Variants in PAK1 observed in about 807,000 individuals in gnomAD.
PAK1 encodes serine/threonine-protein kinase PAK 1.
Under a neutral mutation model 67.4 loss-of-function variants are expected in PAK1, and 29 were observed. The ratio of observed to expected loss-of-function variants is 0.43; its 90% CI spans 0.32 to 0.59. PAK1 has a LOEUF of 0.59. PAK1 is among the 20% of genes least tolerant of loss of function. The probability of loss-of-function intolerance (pLI) is 0.07; values close to 1 mark genes in which losing one functional copy is unlikely to be tolerated. For synonymous variants in PAK1, 223 were observed against 237.4 expected (o/e 0.94, Z 0.56); for missense variants, 337 against 670.7 (o/e 0.50, Z 5.50).
the PAK1 span, among the ~76,000 whole-genome samples, chr11:77,490,845 T>C: frequency 1.3e-5 from 2 of 152,336 alleles, 1 homozygote; most frequent in South Asian, 4.1e-4. Flanking sequence ...CCCTGTGCCC[T>C]CTGAAACATG....
the PAK1 span, among the ~76,000 whole-genome samples, chr11:77,524,382 T>C: frequency 1.3e-5 from 2 of 152,194 alleles, no homozygotes; most frequent in Non-Finnish European, 2.9e-5. Context: ...GGTAGTTTCA[T>C]CCATTCAACT....
At chr11:77,370,667 AAC>A (rs1948308209) in intron 5 of PAK1, among the ~76,000 whole-genome samples, 1 of 152,156 alleles carries the variant, frequency 6.6e-6, no homozygotes, top group Admixed American at 6.5e-5. Flanking sequence ...AATTCCTCAC[AAC>A]AGTTGATTTA....
the PAK1 span, among the ~76,000 whole-genome samples, chr11:77,515,728 T>TC: frequency 2.6e-5 from 4 of 152,288 alleles, no homozygotes; most frequent in East Asian, 7.7e-4. Flanking sequence ...ATAAATAACA[T>TC]CCTTTTTTTA....
chr11:77,493,688 A>G, the PAK1 span, among the ~76,000 whole-genome samples: 1 of 151,858 alleles, frequency 6.6e-6, no homozygotes, highest in African/African-American at 2.4e-5. Context: ...CTGAACCGAG[A>G]GTGCGTCAGT....
At chr11:77,464,269 A>G (rs972834140) in intron 1 of PAK1, among the ~76,000 whole-genome samples, 3 of 152,134 alleles carry the variant, frequency 2.0e-5, no homozygotes, top group Admixed American at 6.5e-5. Flanking sequence ...TTTCCCCCTC[A>G]GTGTTCTGCA....
intron 14 of PAK1, 74 bp from the exon 15 acceptor site, chr11:77,323,434 A>G: frequency 2.0e-6 from 2 of 1,008,106 alleles, no homozygotes; most frequent in Non-Finnish European, 3.1e-6. Flanking sequence ...CAAGACATAA[A>G]GGCATCTTTG....
chr11:77,431,444 T>TC (rs1176081683), intron 1 of PAK1, among the ~76,000 whole-genome samples: 1 of 152,086 alleles, frequency 6.6e-6, no homozygotes, highest in African/African-American at 2.4e-5. Context: ...TATAGCTGAG[T>TC]CCTGAAAAAC....
intron 2 of PAK1, among the ~76,000 whole-genome samples, chr11:77,385,177 A>G (rs189699056): frequency 1.5e-4 from 23 of 152,326 alleles, no homozygotes; most frequent in African/African-American, 5.5e-4. Flanking sequence ...CCTCCTCACC[A>G]CTTCTATTCA....
chr11:77,452,625 A>G (rs530836537), intron 1 of PAK1, among the ~76,000 whole-genome samples: 1 of 152,364 alleles, frequency 6.6e-6, no homozygotes, highest in Admixed American at 6.5e-5. Flanking sequence ...TCTAAAAGAA[A>G]AAAAAAGACT....
At chr11:77,506,466 G>C in the PAK1 span, among the ~76,000 whole-genome samples, 2 of 152,174 alleles carry the variant, frequency 1.3e-5, no homozygotes, top group Admixed American at 6.5e-5. Context: ...ACAAGGTAAG[G>C]AATTTAGATT....
chr11:77,427,591 C>T (rs1166953203), intron 1 of PAK1, among the ~76,000 whole-genome samples: 3 of 152,096 alleles, frequency 2.0e-5, no homozygotes, highest in African/African-American at 7.2e-5. Flanking sequence ...GGTAACTTCA[C>T]CATCCAAAAT....
Position 77,379,245 on chromosome 11 carries a change from A to G in PAK1, c.435T>C (p.Phe145=), listed in dbSNP as rs191105520. The G allele has an allele frequency of 3.7e-5, 60 of 1,611,862 alleles. 1 individual carries two copies. The Admixed American group carries it at 7.5e-4, about 20-fold the overall frequency. The change falls in exon 4 of 15, where the codon TTT becomes TTC. Residue 145 remains phenylalanine (F), a synonymous_variant. Transcript: ENST00000356341. ...KTSNSQKYMS[F]TDKSAEDYNS... ...CCCTGGACGCAGTTCTCATACCTGT[A>G]AAGCTCATGTATTTCTGGCTGTTGG...
At chr11:77,492,558 T>C in the PAK1 span, among the ~76,000 whole-genome samples, 1 of 150,934 alleles carries the variant, frequency 6.6e-6, no homozygotes, top group South Asian at 2.1e-4. Context: ...TTTTTTTTTT[T>C]TTTTTAAAGA....
intron 14 of PAK1, among the ~76,000 whole-genome samples, chr11:77,323,668 C>A (rs1938928562): frequency 6.6e-6 from 1 of 151,972 alleles, no homozygotes; most frequent in Admixed American, 6.5e-5. Context: ...CTTATAATAG[C>A]CAATAACCAG....
rs1156247607 is a variant in PAK1 at position 77,442,845 on chromosome 11, G to A, written c.-22+30707C>T. On this transcript the variant is annotated intron_variant, in intron 1 of 14. Coordinates refer to ENST00000356341, the MANE Select transcript of PAK1 (RefSeq NM_002576.5). The stretch of plus-strand genomic sequence containing the variant: ...GCCGAAATGAAACCCAAAGCCTCAA[G>A]GCTTGGGGCTTCTCCTTAAACAACA... Among the ~76,000 whole-genome samples the A allele has an allele frequency of 3.3e-5, 5 of 152,086 alleles. 1 individual carries two copies. The highest frequency in any genetic ancestry group is 2.0e-4 in the Admixed American group (3 of 15,264).
chr11:77,435,654 T>C (rs1370712808), intron 1 of PAK1, among the ~76,000 whole-genome samples: 1 of 125,088 alleles, frequency 8.0e-6, no homozygotes, highest in Non-Finnish European at 1.7e-5. Context: ...CCACTACACC[T>C]GGCTTTTTTT....
chr11:77,429,056 TAAAAAAAAAAAAAAAAAAAAAAAAAAA>T (rs566874549), intron 1 of PAK1, among the ~76,000 whole-genome samples: 1 of 49,000 alleles, frequency 2.0e-5, no homozygotes, highest in Non-Finnish European at 3.2e-5. Context: ...CATTTAATAC[TAAAAAAAAAAAAAAAAAAAAAAAAAAA>T]AAAAAAAAAA....
At chr11:77,402,609 G>A (rs988418140) in intron 1 of PAK1, among the ~76,000 whole-genome samples, 3 of 151,960 alleles carry the variant, frequency 2.0e-5, no homozygotes, top group Non-Finnish European at 2.9e-5. Flanking sequence ...CCTTACAATC[G>A]GAGAGCTGGA....
the PAK1 span, among the ~76,000 whole-genome samples, chr11:77,508,209 A>G: frequency 6.6e-6 from 1 of 152,220 alleles, no homozygotes; most frequent in Admixed American, 6.5e-5. Flanking sequence ...ACACATGATT[A>G]TCCTGGGAGA....
Sources: allele counts gnomAD v4.1 joint callset (sites outside exome capture counted in the v4.1 genomes callset), GRCh38; gene constraint gnomAD v4.1.1; transcripts MANE v1.5; gene names NCBI Gene and HGNC (gene_info 2026-07-23, HGNC 2026-07-21).